The following UBAP2 variants were observed in gnomAD, a reference collection of about 807,000 sequenced individuals.
The protein encoded by UBAP2 is ubiquitin associated protein 2.
In UBAP2, 75 loss-of-function variants were observed where a neutral mutation model predicts 139.6. The observed-to-expected ratio is 0.54, with a 90% CI of 0.45 to 0.65. The LOEUF is 0.65. UBAP2 is among the 30% of genes least tolerant of loss of function. The pLI, the probability that UBAP2 is intolerant of heterozygous loss-of-function variation, is 0.00. For missense variants in UBAP2, 1,368 were observed against 1,369.6 expected, an observed-to-expected ratio of 1.00 and a Z score of 0.02; for synonymous variants, 526 against 526.2, an observed-to-expected ratio of 1.00 and a Z score of 0.01.
chr9:33,995,259 A>C (rs750890364), intron 4 of UBAP2: 2 of 151,280 alleles, frequency 1.3e-5, no homozygotes, highest in African/African-American at 2.4e-5. Flanking sequence ...TGGGAGGCTG[A>C]GGCAAAAGAA....
At chr9:33,958,106 C>T (rs532671468) in intron 10 of UBAP2, among the ~76,000 whole-genome samples, 1 of 152,010 alleles carries the variant, frequency 6.6e-6, no homozygotes, top group African/African-American at 2.4e-5. Context: ...GGACTACAGG[C>T]ACCTGCCATC....
chr9:34,030,130 G>A (rs1055279287), intron 1 of UBAP2, among the ~76,000 whole-genome samples: 2 of 151,456 alleles, frequency 1.3e-5, no homozygotes, highest in Non-Finnish European at 2.9e-5. Flanking sequence ...GAGAGAACCC[G>A]TCTCTATAAA....
rs771063165 is a variant in UBAP2, at chr9:33,944,493, T to G, written c.1417A>C (p.Ser473Arg). The change falls in exon 14 of 29, where the codon AGT becomes CGT. Residue 473 changes from serine (S) to arginine (R), a missense_variant. Physicochemically the swap from Ser to Arg is moderately radical, Grantham distance 110. Transcript: ENST00000379238. ...AKLRESTPGD[S>R]PSTVNKLLQL... ...AAAAGCTTGTTCACAGTGGAGGGAC[T>G]GTCTCCAGGTGTTGATTCTCGAAGT... The G allele has an allele frequency of 1.2e-6, 2 of 1,614,112 alleles. No homozygotes were observed. Among genetic ancestry groups the G allele is most frequent in the South Asian group, 2.2e-5 (2 of 91,070 alleles).
chr9:33,923,545 G>A (rs550609774), intron 24 of UBAP2, 67 bp from the exon 25 acceptor site: 2 of 1,496,484 alleles, frequency 1.3e-6, no homozygotes, highest in South Asian at 2.3e-5. Context: ...AGGTACCCCT[G>A]CCAGAGCCTA....
chr9:33,938,295 C>T (rs1448145873), intron 16 of UBAP2, among the ~76,000 whole-genome samples: 3 of 151,832 alleles, frequency 2.0e-5, no homozygotes, highest in Non-Finnish European at 4.4e-5. Context: ...CGCCCAGCCA[C>T]TTTTTGTATT....
intron 1 of UBAP2, among the ~76,000 whole-genome samples, chr9:34,037,381 T>A (rs972513721): frequency 1.3e-5 from 2 of 152,086 alleles, no homozygotes; most frequent in Admixed American, 6.6e-5. Context: ...GTGATCCACT[T>A]GCCTTGGTCT....
At chr9:33,926,352 A>G (rs1823427302) in intron 22 of UBAP2, among the ~76,000 whole-genome samples, 1 of 152,178 alleles carries the variant, frequency 6.6e-6, no homozygotes. Context: ...AAGGACCAAC[A>G]TTTAACAGGG....
chr9:34,002,089 A>T (rs1822757998), intron 2 of UBAP2, among the ~76,000 whole-genome samples: 1 of 151,134 alleles, frequency 6.6e-6, no homozygotes, highest in Non-Finnish European at 1.5e-5. Flanking sequence ...CCTGAGTAGC[A>T]ACCATGGCAG....
At chr9:33,988,654 C>CA (rs201091483) in intron 5 of UBAP2, among the ~76,000 whole-genome samples, 2,389 of 152,344 alleles carry the variant, frequency 0.016, 35 homozygotes, top group South Asian at 0.031. Flanking sequence ...AGAAGGGAGT[C>CA]ATCACACTAC....
chr9:34,030,216 C>A (rs574148473), intron 1 of UBAP2, among the ~76,000 whole-genome samples: 3 of 151,846 alleles, frequency 2.0e-5, no homozygotes, highest in Non-Finnish European at 4.4e-5. Flanking sequence ...GAGGCTGAGG[C>A]GGGCAGATCA....
chr9:34,045,412 C>T (rs1827490253), intron 1 of UBAP2, among the ~76,000 whole-genome samples: 2 of 151,190 alleles, frequency 1.3e-5, no homozygotes, highest in Admixed American at 6.6e-5. Context: ...AGTCTTGCTC[C>T]ATCCAGGCTG....
intron 1 of UBAP2, among the ~76,000 whole-genome samples, chr9:34,019,639 T>A (rs919826607): frequency 1.3e-5 from 2 of 151,726 alleles, no homozygotes; most frequent in Non-Finnish European, 2.9e-5. Flanking sequence ...GTCAGAGAAC[T>A]GTATATGTAA....
chr9:34,024,806 A>T (rs901523417), intron 1 of UBAP2, among the ~76,000 whole-genome samples: 3 of 152,150 alleles, frequency 2.0e-5, no homozygotes, highest in African/African-American at 7.2e-5. Flanking sequence ...AAACATGGCG[A>T]AACCCTGTCT....
At chr9:33,955,192 A>C (rs561584857) in intron 11 of UBAP2, among the ~76,000 whole-genome samples, 1 of 152,154 alleles carries the variant, frequency 6.6e-6, no homozygotes, top group Admixed American at 6.5e-5. Flanking sequence ...AAAAAAAAAA[A>C]AAAACAGGTC....
At chr9:34,033,588 T>C (rs1376378921) in intron 1 of UBAP2, among the ~76,000 whole-genome samples, 1 of 151,980 alleles carries the variant, frequency 6.6e-6, no homozygotes, top group Admixed American at 6.6e-5. Context: ...ACTTTTTTTT[T>C]TTCTCCTGAG....
At chr9:33,963,265 A>G (rs1827207713) in intron 9 of UBAP2, among the ~76,000 whole-genome samples, 1 of 152,234 alleles carries the variant, frequency 6.6e-6, no homozygotes, top group South Asian at 2.1e-4. Flanking sequence ...GGAACTAGCC[A>G]TACCCACACA....
intron 7 of UBAP2, among the ~76,000 whole-genome samples, chr9:33,972,318 C>T (rs1827976187): frequency 6.6e-6 from 1 of 152,174 alleles, no homozygotes; most frequent in Non-Finnish European, 1.5e-5. Flanking sequence ...AAAATTTTCA[C>T]AAAGGAATGT....
At chr9:34,015,126 A>G (rs1418782190) in intron 2 of UBAP2, among the ~76,000 whole-genome samples, 2 of 152,258 alleles carry the variant, frequency 1.3e-5, no homozygotes, top group Non-Finnish European at 1.5e-5. Flanking sequence ...ATCTGCAAGT[A>G]AGACAAACTG....
At position 33,930,531 on chromosome 9, in the gene UBAP2, G is replaced by C. The variant is rs759996368; in HGVS notation, c.2175+2031C>G. On this transcript the variant is annotated intron_variant, in intron 19 of 28. Coordinates refer to ENST00000379238, the MANE Select transcript of UBAP2 (RefSeq NM_001370062.2). ...AAGATACACTTGTGGGGATACACAAGTGGGGAAAAAAAAGTTGAAGGACAC... is the reference window on the plus strand; with the variant it reads ...AAGATACACTTGTGGGGATACACAACTGGGGAAAAAAAAGTTGAAGGACAC... Among the ~76,000 whole-genome samples, 26 of 152,126 alleles carry C rather than the reference G, an allele frequency of 1.7e-4. 1 individual carries two copies. The highest frequency in any genetic ancestry group is 5.8e-4 in the African/African-American group (24 of 41,514).
Sources: allele counts gnomAD v4.1 joint callset (sites outside exome capture counted in the v4.1 genomes callset), GRCh38; gene constraint gnomAD v4.1.1; transcripts MANE v1.5; gene names NCBI Gene and HGNC (gene_info 2026-07-23, HGNC 2026-07-21).